GPR158: variants seen among roughly 807,000 people sequenced by gnomAD.
The protein encoded by GPR158 is G protein-coupled receptor 158.
In GPR158, 30 loss-of-function variants were observed where a neutral mutation model predicts 78.2. That is an observed-to-expected ratio of 0.38 (90% CI 0.29 to 0.52). The LOEUF (loss-of-function observed/expected upper bound fraction) is 0.52, where lower values mean the gene tolerates loss of function less well. Among genes scored for constraint, GPR158 ranks in the 20% least tolerant of loss-of-function variants. GPR158 has a pLI of 0.83. For missense variants in GPR158, 1,463 were observed against 1,523.5 expected, an observed-to-expected ratio of 0.96 and a Z score of 0.66; for synonymous variants, 581 against 591.1, an observed-to-expected ratio of 0.98 and a Z score of 0.25.
intron 2 of GPR158, among the ~76,000 whole-genome samples, chr10:25,327,170 C>T (rs1207337825): frequency 6.6e-6 from 1 of 152,088 alleles, no homozygotes; most frequent in Non-Finnish European, 1.5e-5. Flanking sequence ...AGCACACACA[C>T]ACGCGCAAGA....
At chr10:25,369,216 T>C (rs1269300970) in intron 2 of GPR158, among the ~76,000 whole-genome samples, 1 of 150,134 alleles carries the variant, frequency 6.7e-6, no homozygotes, top group Non-Finnish European at 1.5e-5. Flanking sequence ...TGACTAGGAG[T>C]GGTGAGAGAG....
At chr10:25,196,891 A>G (rs1414024133) in intron 1 of GPR158, among the ~76,000 whole-genome samples, 1 of 151,982 alleles carries the variant, frequency 6.6e-6, no homozygotes, top group South Asian at 2.1e-4. Context: ...TTCCACTCAC[A>G]CTCCTGATGC....
chr10:25,461,457 C>T (rs1238119335), intron 4 of GPR158, among the ~76,000 whole-genome samples: 2 of 152,166 alleles, frequency 1.3e-5, no homozygotes, highest in East Asian at 3.9e-4. Context: ...AAAGCAAGGG[C>T]CTAACTCTCT....
At chr10:25,454,484 C>G (rs998285129) in intron 4 of GPR158, among the ~76,000 whole-genome samples, 1 of 151,990 alleles carries the variant, frequency 6.6e-6, no homozygotes, top group Admixed American at 6.6e-5. Context: ...AAATATGTGC[C>G]TTACTTGAAG....
chr10:25,426,383 C>A (rs1277854465), intron 4 of GPR158, among the ~76,000 whole-genome samples: 4 of 152,138 alleles, frequency 2.6e-5, no homozygotes, highest in African/African-American at 7.2e-5. Flanking sequence ...CTATTTGGCA[C>A]AAGAGGCCTA....
At chr10:25,198,017 T>C (rs899172700) in intron 1 of GPR158, among the ~76,000 whole-genome samples, 6 of 152,138 alleles carry the variant, frequency 3.9e-5, no homozygotes, top group African/African-American at 1.4e-4. Context: ...GTTGGTCTGC[T>C]ACCTTTGCAA....
intron 4 of GPR158, among the ~76,000 whole-genome samples, chr10:25,437,299 C>T (rs1158073530): frequency 6.6e-6 from 1 of 151,890 alleles, no homozygotes; most frequent in Non-Finnish European, 1.5e-5. Context: ...AGTCTCAGCT[C>T]ACTGCAACCT....
chr10:25,586,952 G>T (rs1837278139), intron 7 of GPR158, among the ~76,000 whole-genome samples: 1 of 152,218 alleles, frequency 6.6e-6, no homozygotes, highest in African/African-American at 2.4e-5. Flanking sequence ...AGGGAAGAAG[G>T]CTTTAATCAG....
intron 2 of GPR158, among the ~76,000 whole-genome samples, chr10:25,291,251 A>T (rs1854432261): frequency 6.6e-6 from 1 of 152,064 alleles, no homozygotes; most frequent in Non-Finnish European, 1.5e-5. Context: ...ATAAAATAAG[A>T]AATATGTGAG....
chr10:25,328,285 A>C (rs910325711), intron 2 of GPR158, among the ~76,000 whole-genome samples: 1 of 152,184 alleles, frequency 6.6e-6, no homozygotes, highest in Non-Finnish European at 1.5e-5. Flanking sequence ...GATTGAAGTG[A>C]AGGTCTCAGA....
At chr10:25,508,608 G>T (rs147290829) in intron 5 of GPR158, among the ~76,000 whole-genome samples, 98 of 152,240 alleles carry the variant, frequency 6.4e-4, no homozygotes, top group African/African-American at 2.2e-3. Context: ...TGTTTGCAAG[G>T]TCAGTCTCCT....
At chr10:25,409,147 CTT>C (rs1554801197) in intron 3 of GPR158, among the ~76,000 whole-genome samples, 1 of 152,158 alleles carries the variant, frequency 6.6e-6, no homozygotes, top group Non-Finnish European at 1.5e-5. Flanking sequence ...CCTCTTTCGC[CTT>C]TTTACCCCTC....
At chr10:25,444,522 TGTGTGTGGAA>T (rs1439895129) in intron 4 of GPR158, among the ~76,000 whole-genome samples, 1 of 150,644 alleles carries the variant, frequency 6.6e-6, no homozygotes. Context: ...CGTGTGGGTA[TGTGTGTGGAA>T]GTGTGTGTGT....
At chr10:25,443,254 A>T (rs1835092201) in intron 4 of GPR158, among the ~76,000 whole-genome samples, 1 of 151,982 alleles carries the variant, frequency 6.6e-6, no homozygotes, top group Admixed American at 6.6e-5. Context: ...CTTGGCTATT[A>T]AAAAAAATTT....
At chr10:25,457,833 A>C (rs1004209255) in intron 4 of GPR158, among the ~76,000 whole-genome samples, 2 of 152,326 alleles carry the variant, frequency 1.3e-5, no homozygotes, top group Admixed American at 6.5e-5. Context: ...TGTGATAGAA[A>C]ATCAGATGAG....
intron 3 of GPR158, among the ~76,000 whole-genome samples, chr10:25,402,156 T>C (rs900208500): frequency 6.6e-6 from 1 of 152,110 alleles, no homozygotes; most frequent in African/African-American, 2.4e-5. Flanking sequence ...GCATTATTTT[T>C]ATCGTGTTCC....
At chr10:25,419,887 T>A (rs1031585726) in intron 4 of GPR158, among the ~76,000 whole-genome samples, 1 of 152,204 alleles carries the variant, frequency 6.6e-6, no homozygotes, top group African/African-American at 2.4e-5. Context: ...ATGTTGTACA[T>A]TCTGTGACTT....
At chr10:25,513,268 G>A (rs1588893512) in intron 5 of GPR158, among the ~76,000 whole-genome samples, 1 of 151,866 alleles carries the variant, frequency 6.6e-6, no homozygotes, top group Non-Finnish European at 1.5e-5. Context: ...TAATGTAGGA[G>A]AATTATATAT....
At chr10:25,323,256 G>T (rs576950607) in intron 2 of GPR158, among the ~76,000 whole-genome samples, 1 of 152,286 alleles carries the variant, frequency 6.6e-6, no homozygotes, top group African/African-American at 2.4e-5. Flanking sequence ...TACATTTATA[G>T]AACAGGCAGA....
Sources: gnomAD v4.1 joint callset for allele counts (sites outside exome capture counted in the v4.1 genomes callset) on GRCh38, gnomAD v4.1.1 for gene constraint, MANE v1.5 for transcripts, NCBI Gene and HGNC (gene_info 2026-07-23, HGNC 2026-07-21) for gene names.